Variants in CELSR1 observed in about 807,000 individuals in gnomAD.
The protein encoded by CELSR1 is cadherin EGF LAG seven-pass G-type receptor 1.
Under a neutral mutation model 249.1 loss-of-function variants are expected in CELSR1, and 110 were observed. The observed-to-expected ratio is 0.44, with a 90% CI of 0.38 to 0.52. CELSR1 has a LOEUF of 0.52. CELSR1 is among the 20% of genes least tolerant of loss of function. The pLI, the probability that CELSR1 is intolerant of heterozygous loss-of-function variation, is 0.00. For synonymous variants in CELSR1, 2,113 were observed against 1,900.0 expected (o/e 1.11, Z -2.92); for missense variants, 4,109 against 4,296.4 (o/e 0.96, Z 1.22).
At position 46,393,332 on chromosome 22, in the gene CELSR1, C is replaced by T. The variant is rs898232622; in HGVS notation, c.5964+810G>A. Among the ~76,000 whole-genome samples the T allele has an allele frequency of 2.6e-5, 4 of 152,204 alleles. No individual in the cohort carries two copies. Among genetic ancestry groups the T allele is most frequent in the African/African-American group, 9.6e-5 (4 of 41,454 alleles). On this transcript the variant is annotated intron_variant, in intron 14 of 34. Transcript: ENST00000674500. The surrounding 1 kb of genome is among the most constrained non-coding windows in gnomAD (Gnocchi z 4.1). ...TTCTGGAGACACGAGATGTGAGCTC[C>T]GTGCTGCATGCAGGTTAGGACTGAC...
chr22:46,496,125 T>C (rs528128322), intron 1 of CELSR1, among the ~76,000 whole-genome samples: 176 of 147,782 alleles, frequency 1.2e-3, no homozygotes, highest in African/African-American at 4.1e-3. Flanking sequence ...ACTCGGGAGG[T>C]GGGGGTTGCA....
intron 3 of CELSR1, among the ~76,000 whole-genome samples, chr22:46,438,521 C>T (rs1286611641): frequency 6.6e-6 from 1 of 152,196 alleles, no homozygotes; most frequent in Non-Finnish European, 1.5e-5. Context: ...TTAGGGTCAG[C>T]TCTGATGGTT....
At chr22:46,426,129 T>TGGGGAGGGCGCAGAC (rs2079534121) in intron 5 of CELSR1, among the ~76,000 whole-genome samples, 1 of 141,358 alleles carries the variant, frequency 7.1e-6, no homozygotes, top group African/African-American at 2.8e-5. Flanking sequence ...GCAGCAAGGC[T>TGGGGAGGGCGCAGAC]GGGGAGGGCG....
intron 1 of CELSR1, among the ~76,000 whole-genome samples, chr22:46,525,470 T>C (rs5768890): frequency 0.33 from 49,813 of 149,368 alleles, 8,977 homozygotes; most frequent in African/African-American, 0.47. Flanking sequence ...AAAAGAGGGT[T>C]GTTTACTACA....
intron 1 of CELSR1, among the ~76,000 whole-genome samples, chr22:46,514,546 AC>A (rs2080607088): frequency 6.6e-6 from 1 of 151,976 alleles, no homozygotes; most frequent in African/African-American, 2.4e-5. Context: ...GCCTGAGGAC[AC>A]CCCAACAGCA....
Position 46,398,446 on chromosome 22 carries a change from A to AACT in CELSR1, c.5526+77_5526+78insAGT. 1.0e-6 allele frequency: 1 copy of AACT among 988,334 alleles called. No individual in the cohort carries two copies. Among genetic ancestry groups the AACT allele is most frequent in the Non-Finnish European group, 1.5e-6 (1 of 663,160 alleles). 61.2% of individuals were successfully genotyped at this position (988,334 alleles called of 1,614,324 possible). A position where few individuals can be genotyped will look rare whatever the true frequency, so the allele number is the denominator to read the frequency against. ...TGAAAGCTAACAGGTTGACCAACGG[A>AACT]ACCACCTATGGTGCTGCCAGCCTCG... On this transcript the variant is annotated intron_variant, in intron 11 of 34. Coordinates refer to ENST00000674500, the MANE Select transcript of CELSR1 (RefSeq NM_001378328.1). The surrounding 1 kb of genome is among the most constrained non-coding windows in gnomAD (Gnocchi z 7.2).
In CELSR1 at chr22:46,391,319, G is replaced by A. The variant is rs200460513; in HGVS notation, c.6149-32C>T. On this transcript the variant is annotated intron_variant, in intron 15 of 34. Transcript: ENST00000674500. The surrounding 1 kb of genome is among the most constrained non-coding windows in gnomAD (Gnocchi z 4.3). ...TAGAGAAGAGAGAAGTCTGCTCAGC[G>A]GGGCACGCCACACCCACGACCACAA... The A allele has an allele frequency of 6.3e-4, 1,004 of 1,588,406 alleles. 2 individuals are homozygous for A. Among genetic ancestry groups the A allele is most frequent in the Admixed American group, 1.0e-3 (60 of 59,626 alleles).
Position 46,381,826 on chromosome 22 carries a change from GC to G in CELSR1, c.7088+19del. ...CCTCCAGAACGGGCCCTCCCCGTGT[GC>G]CCCGTGCCCAGGCCTTACCGGAGGC... On this transcript the variant is annotated intron_variant, in intron 21 of 34. Transcript: ENST00000674500. This position sits in a 1 kb window ranked among gnomAD's most constrained non-coding sequence, Gnocchi z 6.0. 6.5e-7 allele frequency: 1 copy of G among 1,539,638 alleles called. No individual in the cohort carries two copies.
In CELSR1 at chr22:46,445,910, C is replaced by T. The variant is rs566770185; in HGVS notation, c.4184-6499G>A. 6.6e-5 allele frequency among the ~76,000 whole-genome samples: 10 copies of T among 152,294 alleles called. No individual in the cohort carries two copies. In the East Asian group the frequency reaches 1.9e-3, roughly 29 times the overall value. On this transcript the variant is annotated intron_variant, in intron 2 of 34. Transcript: ENST00000674500. This position sits in a 1 kb window ranked among gnomAD's most constrained non-coding sequence, Gnocchi z 4.4. ...GGTGGAGTCCTCACTGCAACCCCTC[C>T]TGCCTCCAGCAGCCCCCTGCACAGC...
At position 46,406,570 on chromosome 22, in the gene CELSR1, A is replaced by G. The variant is rs1028835536; in HGVS notation, c.5226+2426T>C. Among the ~76,000 whole-genome samples the G allele has an allele frequency of 3.3e-5, 5 of 152,214 alleles. No individual in the cohort carries two copies. The highest frequency in any genetic ancestry group is 6.5e-5 in the Admixed American group (1 of 15,290). ...CCCGCCACACTCCAACCAGGCACTC[A>G]TGATGGGGAGGGCATGTGCTGGGCA... is the stretch of plus-strand genomic sequence containing the variant. On this transcript the variant is annotated intron_variant, in intron 9 of 34. Transcript: ENST00000674500. The surrounding 1 kb of genome is among the most constrained non-coding windows in gnomAD (Gnocchi z 5.4).
rs2079841045 is a variant in CELSR1, at chr22:46,448,085, C to G, written c.4184-8674G>C. Among the ~76,000 whole-genome samples the G allele has an allele frequency of 1.3e-5, 2 of 152,200 alleles. No homozygotes were observed. The highest frequency in any genetic ancestry group is 4.1e-4 in the South Asian group (2 of 4,826). ...AGACCCTAGCACCAAAGCCATCAAC[C>G]CTTGGCCTAAGGGGCTTCCAGAAAA... On this transcript the variant is annotated intron_variant, in intron 2 of 34. Coordinates refer to ENST00000674500, the MANE Select transcript of CELSR1 (RefSeq NM_001378328.1). The surrounding 1 kb of genome is among the most constrained non-coding windows in gnomAD (Gnocchi z 5.7).
intron 2 of CELSR1, chr22:46,462,951 T>TTTCAAGACCCAAATGATTA: frequency 2.1e-6 from 1 of 465,834 alleles, no homozygotes; most frequent in Non-Finnish European, 4.4e-6. Context: ...AAAAACAGGA[T>TTTCAAGACCCAAATGATTA]TTCAAGACCC....
rs1448134521 is a variant in CELSR1 at position 46,488,669 on chromosome 22, T to C, written c.3545-24324A>G. 6.6e-6 allele frequency among the ~76,000 whole-genome samples: 1 copy of C among 151,818 alleles called. No individual in the cohort carries two copies. The highest frequency in any genetic ancestry group is 1.5e-5 in the Non-Finnish European group (1 of 67,884). The stretch of plus-strand genomic sequence containing the variant: ...CTCCCGTGCCACAGCCCTGCCCTTT[T>C]TTTTTTTTGAGACGGAGTCTTGCTC... On this transcript the variant is annotated intron_variant, in intron 1 of 34. Transcript: ENST00000674500. This position sits in a 1 kb window ranked among gnomAD's most constrained non-coding sequence, Gnocchi z 4.7.
Position 46,436,098 on chromosome 22 carries a change from C to T in CELSR1, c.4522+76G>A. ...GGGTAAGCAGCTTGGAGGCGCTGCA[C>T]AGGGCGAGGGTCGTTTTAACCCACA... On this transcript the variant is annotated intron_variant, in intron 4 of 34. Transcript: ENST00000674500. The surrounding 1 kb of genome is among the most constrained non-coding windows in gnomAD (Gnocchi z 5.9). 1 of 1,142,574 alleles carries T rather than the reference C, an allele frequency of 8.8e-7. No homozygotes were observed. Among genetic ancestry groups the T allele is most frequent in the Non-Finnish European group, 1.3e-6 (1 of 768,406 alleles). The allele number at this position is 1,142,574 out of a possible 1,614,324, so 70.8% of individuals were successfully genotyped here.
At chr22:46,491,487 A>G (rs2080366550) in intron 1 of CELSR1, among the ~76,000 whole-genome samples, 2 of 150,822 alleles carry the variant, frequency 1.3e-5, no homozygotes, top group East Asian at 1.9e-4. Flanking sequence ...CTGGTCTCAT[A>G]CTCCTGACCT....
Position 46,445,799 on chromosome 22 carries a change from A to G in CELSR1, c.4184-6388T>C, listed in dbSNP as rs2079812823. Among the ~76,000 whole-genome samples, 2 of 152,188 alleles carry G rather than the reference A, an allele frequency of 1.3e-5. No homozygotes were observed. The highest frequency in any genetic ancestry group is 4.8e-5 in the African/African-American group (2 of 41,458). On this transcript the variant is annotated intron_variant, in intron 2 of 34. Transcript: ENST00000674500. The surrounding 1 kb of genome is among the most constrained non-coding windows in gnomAD (Gnocchi z 4.4). ...CGATGCTTCGGAGGTGGAAGCGTCC[A>G]GGACTCCCCGGGTGCTGTTCTCCCT...
chr22:46,447,685 C>T lies in CELSR1; in HGVS notation c.4184-8274G>A, dbSNP rs191487096. ...TCGCCCAGGCTGGAGTGCAATGGTG[C>T]GATCTCGGCTCACAACCTCCACCTC... On this transcript the variant is annotated intron_variant, in intron 2 of 34. Coordinates refer to ENST00000674500, the MANE Select transcript of CELSR1 (RefSeq NM_001378328.1). This position sits in a 1 kb window ranked among gnomAD's most constrained non-coding sequence, Gnocchi z 4.7. Among the ~76,000 whole-genome samples the T allele has an allele frequency of 1.6e-4, 25 of 152,254 alleles. No homozygotes were observed. The highest frequency in any genetic ancestry group is 3.5e-4 in the Non-Finnish European group (24 of 67,998).
At chr22:46,515,587 G>A (rs916967325) in intron 1 of CELSR1, among the ~76,000 whole-genome samples, 5 of 152,180 alleles carry the variant, frequency 3.3e-5, no homozygotes, top group Non-Finnish European at 4.4e-5. Context: ...TGGAGGTGGA[G>A]GACACAGCCA....
In CELSR1 at chr22:46,363,155, C is replaced by G. The variant is rs1183233945; in HGVS notation, c.*68G>C. ...CAAGGTCTGAGGGTGATGCCGCAGC[C>G]TGTGTGGGGTGACGGGCTTGCCTCA... On this transcript the variant is annotated 3_prime_UTR_variant, in exon 35 of 35. Coordinates refer to ENST00000674500, the MANE Select transcript of CELSR1 (RefSeq NM_001378328.1). This position sits in a 1 kb window ranked among gnomAD's most constrained non-coding sequence, Gnocchi z 4.3. 2 of 1,613,614 alleles carry G rather than the reference C, an allele frequency of 1.2e-6. No homozygotes were observed. Among genetic ancestry groups the G allele is most frequent in the South Asian group, 1.1e-5 (1 of 91,078 alleles).
Sources: allele counts gnomAD v4.1 joint callset (sites outside exome capture counted in the v4.1 genomes callset), GRCh38; gene constraint gnomAD v4.1.1; non-coding constraint Gnocchi (gnomAD v3.1); transcripts MANE v1.5; gene names NCBI Gene and HGNC (gene_info 2026-07-23, HGNC 2026-07-21).